The following AVEN variants were observed in gnomAD, a reference collection of about 807,000 sequenced individuals.
The protein encoded by AVEN is apoptosis and caspase activation inhibitor, also known as cell death regulator Aven.
In AVEN, 41 loss-of-function variants were observed where a neutral mutation model predicts 38.1. That is an observed-to-expected ratio of 1.08 (90% confidence interval 0.84 to 1.40). AVEN has a LOEUF of 1.40. Ranked by LOEUF, AVEN falls within the 40% of genes most tolerant of loss-of-function variation. AVEN has a pLI of 0.00. For synonymous variants in AVEN, 206 were observed against 171.8 expected, an observed-to-expected ratio of 1.20 and a Z score of -1.56; for missense variants, 605 against 438.8, an observed-to-expected ratio of 1.38 and a Z score of -3.38.
At chr15:34,068,913 G>A (rs551170432) in intron 2 of AVEN, among the ~76,000 whole-genome samples, 42 of 150,498 alleles carry the variant, frequency 2.8e-4, no homozygotes, top group South Asian at 1.9e-3. Flanking sequence ...CCGGGTTCAC[G>A]CCATTCTCCT....
Position 34,038,814 on chromosome 15 carries a change from TC to T in AVEN, c.232del (p.Glu78SerfsTer132). The T allele has an allele frequency of 8.4e-7, 1 of 1,193,472 alleles. No individual in the cohort carries two copies. Among genetic ancestry groups the T allele is most frequent in the Admixed American group, 4.1e-5 (1 of 24,600 alleles). 73.9% of individuals were successfully genotyped at this position (1,193,472 alleles called of 1,614,324 possible). Reference protein sequence around the residue: ...GGGAPRGSRREPGGWGAGASA... With the variant: ...GGGAPRGSRRXPGGWGAGASA... ...GGCCCCTGCGCCCCAGCCTCCCGGC[TC>T]CCGGCGGCTGCCTCGCGGGGCGCCT... On this transcript the variant is annotated frameshift_variant, in exon 1 of 6. Coordinates refer to ENST00000306730, the MANE Select transcript of AVEN (RefSeq NM_020371.3). LOFTEE classifies it high-confidence loss of function.
downstream of AVEN, among the ~76,000 whole-genome samples, chr15:33,863,106 C>G (rs1597131295): frequency 6.6e-6 from 1 of 152,172 alleles, no homozygotes; most frequent in South Asian, 2.1e-4. Flanking sequence ...TGTGCCTTCC[C>G]ATGGCACTGT....
chr15:33,964,287 T>C (rs143082835), intron 2 of AVEN, among the ~76,000 whole-genome samples: 278 of 152,296 alleles, frequency 1.8e-3, no homozygotes, highest in African/African-American at 6.4e-3. Context: ...TGGAGACCTC[T>C]AGTGGTTGTC....
intron 2 of AVEN, among the ~76,000 whole-genome samples, chr15:33,895,134 G>A (rs1010236680): frequency 5.3e-5 from 8 of 151,940 alleles, no homozygotes; most frequent in Non-Finnish European, 1.2e-4. Flanking sequence ...CCACTGGTGG[G>A]CACCCTTCTG....
chr15:33,969,282 A>C (rs1337268920), intron 2 of AVEN: 1 of 152,114 alleles, frequency 6.6e-6, no homozygotes, highest in Non-Finnish European at 1.5e-5. Flanking sequence ...AAGCTGAGGT[A>C]AACGCTTGTT....
At position 33,886,954 on chromosome 15, in the gene AVEN, G is replaced by GA. The variant is rs548103414; in HGVS notation, c.446-10960dup. Among the ~76,000 whole-genome samples, 889 of 152,272 alleles carry GA rather than the reference G, an allele frequency of 5.8e-3. 4 individuals carry two copies. Among genetic ancestry groups the GA allele is most frequent in the South Asian group, 0.014 (66 of 4,822 alleles). Reference sequence around the variant, plus strand: ...CATCAAAATTCCAGGCAGCGAGATGGAAAAATAGTTGAAGAAAAGGGGGCA... The same window carrying GA: ...CATCAAAATTCCAGGCAGCGAGATGGAAAAAATAGTTGAAGAAAAGGGGGCA... On this transcript the variant is annotated intron_variant, in intron 2 of 5. Coordinates refer to ENST00000306730, the MANE Select transcript of AVEN (RefSeq NM_020371.3).
rs1254926703 is a variant in AVEN at position 33,875,837 on chromosome 15, A to G, written c.516+88T>C. The G allele has an allele frequency of 1.3e-5, 17 of 1,277,378 alleles. No individual in the cohort carries two copies. The East Asian group carries it at 3.3e-4, about 25-fold the overall frequency. 79.1% of individuals were successfully genotyped at this position (1,277,378 alleles called of 1,614,324 possible). A position where few individuals can be genotyped will look rare whatever the true frequency, so the allele number is the denominator to read the frequency against. On this transcript the variant is annotated intron_variant, in intron 3 of 5. Coordinates refer to ENST00000306730, the MANE Select transcript of AVEN (RefSeq NM_020371.3). ...TGTAAGAATTACTACTCTTTTCTAC[A>G]TGAAGACTCTATCTCAAGAACGTAA... is the stretch of plus-strand genomic sequence containing the variant.
At chr15:34,015,488 T>A (rs138161905) in intron 1 of AVEN, among the ~76,000 whole-genome samples, 6 of 150,200 alleles carry the variant, frequency 4.0e-5, no homozygotes, top group African/African-American at 1.2e-4. Flanking sequence ...TCTCAAAAAA[T>A]AAAAAAAAAT....
At chr15:33,985,632 G>A (rs1489149175) in intron 2 of AVEN, among the ~76,000 whole-genome samples, 1 of 151,910 alleles carries the variant, frequency 6.6e-6, no homozygotes. Context: ...ATTCTGAAAG[G>A]CAGGCACTGT....
At chr15:33,992,398 AG>A (rs199608070) in intron 2 of AVEN, among the ~76,000 whole-genome samples, 1 of 152,288 alleles carries the variant, frequency 6.6e-6, no homozygotes, top group East Asian at 1.9e-4. Context: ...TCAAAAAAAA[AG>A]AAAAAAGAAA....
At chr15:33,986,521 G>C (rs1211394459) in intron 2 of AVEN, among the ~76,000 whole-genome samples, 2 of 152,154 alleles carry the variant, frequency 1.3e-5, no homozygotes, top group Non-Finnish European at 2.9e-5. Context: ...TAGAAAGTAA[G>C]AGGTAAAGAA....
intron 5 of AVEN, among the ~76,000 whole-genome samples, chr15:34,056,323 A>C (rs1900147139): frequency 3.3e-5 from 5 of 152,216 alleles, no homozygotes; most frequent in Admixed American, 2.0e-4. Flanking sequence ...TTTTAGCCGA[A>C]ATTAGAACTC....
intron 2 of AVEN, among the ~76,000 whole-genome samples, chr15:33,941,151 T>C (rs1165698908): frequency 6.6e-6 from 1 of 152,242 alleles, no homozygotes; most frequent in Non-Finnish European, 1.5e-5. Context: ...TCTCAACCCA[T>C]GTGACTGTTA....
intron 1 of AVEN, among the ~76,000 whole-genome samples, chr15:34,073,980 C>G (rs5014911): frequency 8.0e-6 from 1 of 125,156 alleles, no homozygotes. Context: ...TTTCTTTTTT[C>G]TTCTTCTTCT....
chr15:33,909,739 C>T (rs1892846716), intron 2 of AVEN, among the ~76,000 whole-genome samples: 8 of 152,120 alleles, frequency 5.3e-5, no homozygotes, highest in Admixed American at 5.2e-4. Context: ...GGAATGGCTA[C>T]AATTATTGTA....
intron 2 of AVEN, among the ~76,000 whole-genome samples, chr15:33,969,354 T>C (rs948549335): frequency 3.9e-5 from 6 of 151,996 alleles, no homozygotes; most frequent in African/African-American, 1.4e-4. Flanking sequence ...AAAACTCCCA[T>C]TCATTTTTCA....
rs1332777404 is a variant in AVEN at position 34,024,816 on chromosome 15, G to A, written c.267+13964C>T. ...GCAGAGGTTGCAGTGAGCCGAGATC[G>A]TGCCATTGCACTCCAGCCTGGGCGA... On this transcript the variant is annotated intron_variant, in intron 1 of 5. Coordinates refer to ENST00000306730, the MANE Select transcript of AVEN (RefSeq NM_020371.3). Among the ~76,000 whole-genome samples, 9 of 150,750 alleles carry A rather than the reference G, an allele frequency of 6.0e-5. No individual in the cohort carries two copies. In the South Asian group the frequency reaches 1.0e-3, roughly 17 times the overall value.
chr15:33,898,651 T>C (rs1323088251), intron 2 of AVEN, among the ~76,000 whole-genome samples: 1 of 152,218 alleles, frequency 6.6e-6, no homozygotes, highest in Non-Finnish European at 1.5e-5. Context: ...TGTGACCTCA[T>C]CTTCACTTGA....
rs566251817 is a variant in AVEN, at chr15:33,904,162, G to A, written c.446-28167C>T. Among the ~76,000 whole-genome samples, 5 of 152,300 alleles carry A rather than the reference G, an allele frequency of 3.3e-5. No individual in the cohort carries two copies. In the South Asian group the frequency reaches 8.3e-4, roughly 25 times the overall value. The stretch of plus-strand genomic sequence containing the variant: ...AGGCCAGGTGCAGTAGCTCACACCT[G>A]TAATCCCAGCATTTTGGGAGGCCAA... On this transcript the variant is annotated intron_variant, in intron 2 of 5. Coordinates refer to ENST00000306730, the MANE Select transcript of AVEN (RefSeq NM_020371.3).
Sources: gnomAD v4.1 joint callset for allele counts (sites outside exome capture counted in the v4.1 genomes callset) on GRCh38, gnomAD v4.1.1 for gene constraint, MANE v1.5 for transcripts, NCBI Gene and HGNC (gene_info 2026-07-23, HGNC 2026-07-21) for gene names.